SLC5A6: variants seen among roughly 807,000 people sequenced by gnomAD.
SLC5A6 encodes sodium-dependent multivitamin transporter.
SLC5A6 carries 31 observed loss-of-function variants against 67.9 expected under a neutral mutation model. The ratio of observed to expected loss-of-function variants is 0.46; its 90% CI spans 0.34 to 0.62. The LOEUF (loss-of-function observed/expected upper bound fraction) is 0.62, where lower values mean the gene tolerates loss of function less well. Ranked by LOEUF, SLC5A6 falls within the 20% of genes least tolerant of loss-of-function variation. SLC5A6 has a pLI of 0.01. For synonymous variants in SLC5A6, 343 were observed against 331.0 expected, an observed-to-expected ratio of 1.04 and a Z score of -0.39; for missense variants, 673 against 812.8, an observed-to-expected ratio of 0.83 and a Z score of 2.09.
intron 9 of SLC5A6, 88 bp downstream of exon 9, chr2:27,204,373 T>G (rs767581902): frequency 4.2e-6 from 6 of 1,427,350 alleles, no homozygotes; most frequent in African/African-American, 2.9e-5. Flanking sequence ...AGGGTGGGAG[T>G]CCTTTCTGCA....
At chr2:27,206,139 CA>C in intron 5 of SLC5A6, 46 bp from the exon 6 acceptor site, 1 of 1,571,036 alleles carries the variant, frequency 6.4e-7, no homozygotes, top group Non-Finnish European at 8.8e-7. Context: ...AAGGGTTCCC[CA>C]GGGGAGAAGC....
At chr2:27,210,244 C>T (rs1054335384) in intron 2 of SLC5A6, among the ~76,000 whole-genome samples, 25 of 152,184 alleles carry the variant, frequency 1.6e-4, no homozygotes, top group Non-Finnish European at 2.9e-4. Context: ...CCAGGGAAGA[C>T]AGGAAAAACC....
chr2:27,205,405 C>T lies in SLC5A6; in HGVS notation c.679G>A (p.Gly227Ser), dbSNP rs775131756. Residue 227 changes from glycine (G) to serine (S), a missense_variant, in exon 7 of 17, where the codon GGC (glycine) becomes AGC (serine). Gly to Ser is a moderately conservative substitution (Grantham distance 56). Coordinates refer to ENST00000310574, the MANE Select transcript of SLC5A6 (RefSeq NM_021095.4). ...GCCACGGCCCACACACGCCCCAAGC[C>T]GCCCACCTTGGCTGACCCCACAATG... The part of the protein sequence containing the change: ...VIIVGSAKVG[G>S]LGRVWAVASQ... The T allele has an allele frequency of 1.9e-6, 3 of 1,614,208 alleles. No individual in the cohort carries two copies. The highest frequency in any genetic ancestry group is 2.2e-5 in the East Asian group (1 of 44,880).
chr2:27,206,786 G>A, intron 4 of SLC5A6, 91 bp downstream of exon 4: 1 of 1,069,586 alleles, frequency 9.3e-7, no homozygotes, highest in South Asian at 1.3e-5. Flanking sequence ...CTGCCAATCT[G>A]AGAGCAGGGG....
In SLC5A6 at chr2:27,204,813, G is replaced by C; in HGVS notation, c.853C>G (p.Arg285Gly). 1 of 1,614,080 alleles carries C rather than the reference G, an allele frequency of 6.2e-7. No individual in the cohort carries two copies. The change falls in exon 8 of 17, where the codon CGC becomes GGC. Residue 285 changes from arginine to glycine, a missense_variant. Physicochemically the swap from Arg to Gly is moderately radical, Grantham distance 125 (BLOSUM62 -2). Coordinates refer to ENST00000310574, the MANE Select transcript of SLC5A6 (RefSeq NM_021095.4). ...CACAGCACAGCAGCCTTCTCCGTGC[G>C]GGAACTGAGGTACCGCTGCACCTGA... ...QAQVQRYLSSRTEKAAVLSCY... is the reference protein window; with the variant it reads ...QAQVQRYLSSGTEKAAVLSCY...
At chr2:27,206,656 C>T (rs1674090945) in intron 4 of SLC5A6, 122 bp from the exon 5 acceptor site, 2 of 1,019,472 alleles carry the variant, frequency 2.0e-6, no homozygotes, top group Admixed American at 1.7e-5. Context: ...TTCCCTCTTC[C>T]TTCTCCTCTC....
chr2:27,200,244 C>A lies in SLC5A6; in HGVS notation c.*192G>T, dbSNP rs996984107. ...ACAGATTGGCAAGCGACGAGAAAAACGGTGCCTCACATGCTTGAGATGTGA... is the reference window on the plus strand; with the variant it reads ...ACAGATTGGCAAGCGACGAGAAAAAAGGTGCCTCACATGCTTGAGATGTGA... On this transcript the variant is annotated 3_prime_UTR_variant, in exon 17 of 17. Transcript: ENST00000310574. 10 of 496,388 alleles carry A rather than the reference C, an allele frequency of 2.0e-5. No individual in the cohort carries two copies. The highest frequency in any genetic ancestry group is 1.9e-4 in the African/African-American group (10 of 51,404). The allele number at this position is 496,388 out of a possible 1,614,324, so 30.7% of individuals were successfully genotyped here. A position where few individuals can be genotyped will look rare whatever the true frequency, so the allele number is the denominator to read the frequency against.
rs10638396 is a variant in SLC5A6 at position 27,202,503 on chromosome 2, C to CAAAA, written c.1275+306_1275+309dup. 7.7e-3 allele frequency among the ~76,000 whole-genome samples: 556 copies of CAAAA among 72,238 alleles called. 98 individuals are homozygous for CAAAA. The highest frequency in any genetic ancestry group is 0.043 in the Middle Eastern group (3 of 70). The allele number at this position is 72,238 out of a possible 152,430, so 47.4% of individuals were successfully genotyped here. A position where few individuals can be genotyped will look rare whatever the true frequency, so the allele number is the denominator to read the frequency against. ...TGAGCAACAGAATGAGACTCTGTCT[C>CAAAA]AAAAAAAAAAAAAAAAAAAAAAGAA... On this transcript the variant is annotated intron_variant, in intron 12 of 16. Transcript: ENST00000310574.
At chr2:27,202,219 G>A (rs1391709182) in intron 12 of SLC5A6, 145 bp from the exon 13 acceptor site, 3 of 709,412 alleles carry the variant, frequency 4.2e-6, no homozygotes, top group South Asian at 1.6e-5. Flanking sequence ...GAACTCCAGA[G>A]GTGGCCGAGC....
chr2:27,203,118 A>G (rs1337325744), intron 11 of SLC5A6, 115 bp downstream of exon 11: 2 of 1,543,750 alleles, frequency 1.3e-6, no homozygotes, highest in Non-Finnish European at 8.7e-7. Flanking sequence ...TGTGTGCTTC[A>G]TTAGGCAAGT....
chr2:27,202,466 T>C (rs768818113), intron 12 of SLC5A6, among the ~76,000 whole-genome samples: 4 of 122,612 alleles, frequency 3.3e-5, no homozygotes, highest in Non-Finnish European at 4.7e-5. Context: ...ATCGCGCCAC[T>C]GCACTCCAGC....
Position 27,200,573 on chromosome 2 carries a change from G to C in SLC5A6, c.1771C>G (p.Leu591Val), listed in dbSNP as rs747138422. 5 of 1,611,768 alleles carry C rather than the reference G, an allele frequency of 3.1e-6. No homozygotes were observed. The highest frequency in any genetic ancestry group is 4.2e-6 in the Non-Finnish European group (5 of 1,178,826). Residue 591 changes from leucine (L) to valine (V), a missense_variant, in exon 17 of 17, where the codon CTC becomes GTC. Leu to Val is a conservative substitution (Grantham distance 32). Transcript: ENST00000310574. ...LHCRSYGQDH[L>V]DTGLFPEKPR... ...TTCTCAGGAAACAGGCCAGTGTCGAGGTGGTCCTGCAAACACAGAGCCAAA... is the reference window on the plus strand; with the variant it reads ...TTCTCAGGAAACAGGCCAGTGTCGACGTGGTCCTGCAAACACAGAGCCAAA...
chr2:27,203,960 G>A (rs1265875750), intron 9 of SLC5A6, 93 bp from the exon 10 acceptor site: 5 of 872,152 alleles, frequency 5.7e-6, no homozygotes, highest in South Asian at 4.5e-5. Flanking sequence ...GTGCCCCAGC[G>A]AGTCTACCGA....
At position 27,200,501 on chromosome 2, in the gene SLC5A6, C is replaced by T. The variant is rs1572379467; in HGVS notation, c.1843G>A (p.Ala615Thr). The change falls in exon 17 of 17, where the codon GCC becomes ACC. Residue 615 changes from alanine to threonine, a missense_variant. Ala to Thr is a moderately conservative substitution (Grantham distance 58). Coordinates refer to ENST00000310574, the MANE Select transcript of SLC5A6 (RefSeq NM_021095.4). The stretch of plus-strand genomic sequence containing the variant: ...CCCTGATAGGCTGTGCCATCCAGGG[C>T]CATGGCCTCCTTGTCTCTGCTGTCC... ...LGDSRDKEAM[A>T]LDGTAYQGSS... 2 of 1,614,008 alleles carry T rather than the reference C, an allele frequency of 1.2e-6. No homozygotes were observed. Among genetic ancestry groups the T allele is most frequent in the East Asian group, 2.2e-5 (1 of 44,872 alleles).
Position 27,200,458 on chromosome 2 carries a change from A to G in SLC5A6, c.1886T>C (p.Ile629Thr), listed in dbSNP as rs202153952. ...ACATCACAGGGAGGTCTCCTGGAGG[A>G]TGCAGGTGGAGCTGCTCCCCTGATA... ...TAYQGSSSTC[I>T]LQETSL Residue 629 changes from isoleucine to threonine, a missense_variant, in exon 17 of 17, where the codon ATC (isoleucine) becomes ACC (threonine). Ile to Thr is a moderately conservative substitution (Grantham distance 89, BLOSUM62 -1). Transcript: ENST00000310574. The G allele has an allele frequency of 4.3e-6, 7 of 1,613,256 alleles. No homozygotes were observed. In the East Asian group the frequency reaches 1.6e-4, roughly 36 times the overall value.
At position 27,204,508 on chromosome 2, in the gene SLC5A6, G is replaced by T; in HGVS notation, c.958C>A (p.Gln320Lys). 6.2e-7 allele frequency: 1 copy of T among 1,613,980 alleles called. No individual in the cohort carries two copies. The change falls in exon 9 of 17, where the codon CAG becomes AAG. Residue 320 changes from glutamine (Q) to lysine (K), a missense_variant. Gln to Lys is a moderately conservative substitution (Grantham distance 53). Coordinates refer to ENST00000310574, the MANE Select transcript of SLC5A6 (RefSeq NM_021095.4). ...TGCTGAATGCTCATGGGATACTCCT[G>T]GTAATACGCGAACATGACCAGGCCA... ...LIGLVMFAYY[Q>K]EYPMSIQQAQ...
chr2:27,201,607 T>C, intron 14 of SLC5A6, 59 bp downstream of exon 14: 1 of 1,549,604 alleles, frequency 6.5e-7, no homozygotes. Flanking sequence ...GCAAGACCCC[T>C]GTGAAAGCCC....
chr2:27,201,533 G>A, intron 14 of SLC5A6, 80 bp from the exon 15 acceptor site: 1 of 1,343,140 alleles, frequency 7.4e-7, no homozygotes, highest in South Asian at 1.2e-5. Context: ...TTGCCCGCAT[G>A]GTCCCAGGGT....
chr2:27,200,934 C>T (rs1210464449), intron 16 of SLC5A6, 64 bp downstream of exon 16: 13 of 1,080,968 alleles, frequency 1.2e-5, no homozygotes, highest in Non-Finnish European at 1.8e-5. Context: ...TAGAAGGGAA[C>T]CTGAAGAGTC....
Sources: gnomAD v4.1 joint callset for allele counts (sites outside exome capture counted in the v4.1 genomes callset) on GRCh38, gnomAD v4.1.1 for gene constraint, MANE v1.5 for transcripts, NCBI Gene and HGNC (gene_info 2026-07-23, HGNC 2026-07-21) for gene names.